The following LINGO2 variants were observed in gnomAD, a reference collection of about 807,000 sequenced individuals.
The protein encoded by LINGO2 is leucine rich repeat and Ig domain containing 2.
A neutral mutation model predicts 30.6 loss-of-function variants in LINGO2; 14 were observed. The observed-to-expected ratio is 0.46, with a 90% CI of 0.30 to 0.72. LINGO2 has a LOEUF of 0.72. Among genes scored for constraint, LINGO2 ranks in the 30% least tolerant of loss-of-function variants. LINGO2 has a pLI of 0.07. For synonymous variants in LINGO2, 317 were observed against 288.5 expected (o/e 1.10, Z -1.00); for missense variants, 729 against 751.7 (o/e 0.97, Z 0.35).
At chr9:28,456,373 A>G (rs1032030344) in intron 2 of LINGO2, among the ~76,000 whole-genome samples, 1 of 152,170 alleles carries the variant, frequency 6.6e-6, no homozygotes, top group African/African-American at 2.4e-5. Context: ...GCCTCCCAAG[A>G]CTTTTCTCCA....
At chr9:29,087,221 C>T in the LINGO2 span, among the ~76,000 whole-genome samples, 2 of 152,106 alleles carry the variant, frequency 1.3e-5, no homozygotes, top group Non-Finnish European at 2.9e-5. Context: ...AATCCTAGTT[C>T]CACTGCTTCC....
At chr9:28,461,420 A>T (rs1825077168) in intron 2 of LINGO2, among the ~76,000 whole-genome samples, 1 of 152,158 alleles carries the variant, frequency 6.6e-6, no homozygotes, top group South Asian at 2.1e-4. Flanking sequence ...TGTTTACTCC[A>T]TCAAAAATAG....
chr9:28,907,973 GA>G, the LINGO2 span, among the ~76,000 whole-genome samples: 4 of 151,740 alleles, frequency 2.6e-5, no homozygotes, highest in Non-Finnish European at 5.9e-5. Context: ...ATTGGAATGG[GA>G]AAAGCTCTAA....
At chr9:28,949,408 T>TA in the LINGO2 span, among the ~76,000 whole-genome samples, 10 of 151,648 alleles carry the variant, frequency 6.6e-5, no homozygotes, top group Non-Finnish European at 1.0e-4. Context: ...ATAGACACAA[T>TA]AAAAAATGAT....
At chr9:29,159,039 C>A in the LINGO2 span, among the ~76,000 whole-genome samples, 1 of 152,122 alleles carries the variant, frequency 6.6e-6, no homozygotes, top group Non-Finnish European at 1.5e-5. Context: ...ATCACATGGG[C>A]TTGTTCGACT....
downstream of LINGO2, among the ~76,000 whole-genome samples, chr9:27,944,988 G>A (rs932493619): frequency 3.3e-5 from 5 of 152,176 alleles, no homozygotes; most frequent in African/African-American, 1.2e-4. Flanking sequence ...TCAAGTGTCT[G>A]CCTCCAACCT....
the LINGO2 span, among the ~76,000 whole-genome samples, chr9:28,961,472 A>T: frequency 2.0e-5 from 3 of 152,206 alleles, no homozygotes; most frequent in African/African-American, 7.2e-5. Context: ...AGTAGGACTC[A>T]TCCATATCCT....
the LINGO2 span, among the ~76,000 whole-genome samples, chr9:28,983,769 TAAATA>T: frequency 6.6e-6 from 1 of 151,922 alleles, no homozygotes; most frequent in Non-Finnish European, 1.5e-5. Flanking sequence ...CTGAACAAAT[TAAATA>T]AAAGGGTTTC....
At chr9:28,009,878 C>T (rs894981238) in intron 5 of LINGO2, among the ~76,000 whole-genome samples, 10 of 152,158 alleles carry the variant, frequency 6.6e-5, no homozygotes, top group African/African-American at 2.2e-4. Context: ...GGTACATACT[C>T]AAGAGAAGTA....
the LINGO2 span, among the ~76,000 whole-genome samples, chr9:29,024,662 G>GA: frequency 1.3e-5 from 2 of 152,096 alleles, no homozygotes; most frequent in African/African-American, 4.8e-5. Flanking sequence ...GAGTAGGAGG[G>GA]AAAATCAGAG....
At chr9:28,177,344 T>C (rs1828777209) in intron 4 of LINGO2, among the ~76,000 whole-genome samples, 2 of 152,186 alleles carry the variant, frequency 1.3e-5, no homozygotes, top group Admixed American at 1.3e-4. Context: ...GAAAGATTTT[T>C]CTCTTTGCAG....
the LINGO2 span, among the ~76,000 whole-genome samples, chr9:28,790,879 A>G: frequency 4.6e-5 from 7 of 152,248 alleles, no homozygotes; most frequent in Non-Finnish European, 8.8e-5. Context: ...AGTTTCAGGT[A>G]CCCACTGTGT....
At chr9:28,561,996 G>C (rs1168289738) in intron 1 of LINGO2, among the ~76,000 whole-genome samples, 1 of 151,532 alleles carries the variant, frequency 6.6e-6, no homozygotes, top group Non-Finnish European at 1.5e-5. Context: ...CAAAAACACT[G>C]TCATCCTTTT....
Position 28,496,875 on chromosome 9 carries a change from A to G in LINGO2, c.-364-20850T>C, listed in dbSNP as rs567568941. The stretch of plus-strand genomic sequence containing the variant: ...CCTGGTGGTGACAAAATCTCTCAAC[A>G]TTTGCTTGTCTGTAAAGGATTTTAT... On this transcript the variant is annotated intron_variant, in intron 1 of 5. Transcript: ENST00000379992. Among the ~76,000 whole-genome samples, 350 of 152,146 alleles carry G rather than the reference A, an allele frequency of 2.3e-3. 1 individual carries two copies. The highest frequency in any genetic ancestry group is 4.2e-3 in the Non-Finnish European group (289 of 68,020).
At chr9:28,206,968 G>C (rs1018871446) in intron 4 of LINGO2, among the ~76,000 whole-genome samples, 10 of 152,078 alleles carry the variant, frequency 6.6e-5, no homozygotes, top group Admixed American at 5.2e-4. Context: ...GTCAACATTA[G>C]ACACATTATG....
chr9:28,256,578 A>G (rs961939369), intron 4 of LINGO2, among the ~76,000 whole-genome samples: 1 of 151,992 alleles, frequency 6.6e-6, no homozygotes, highest in African/African-American at 2.4e-5. Context: ...ATGTGGTAAG[A>G]ATGATGAAAA....
chr9:28,148,182 CT>C lies in LINGO2; in HGVS notation c.-86-135778del. 1 of 808,754 alleles carries C rather than the reference CT, an allele frequency of 1.2e-6. No homozygotes were observed. The highest frequency in any genetic ancestry group is 1.8e-6 in the Non-Finnish European group (1 of 563,950). 50.1% of individuals were successfully genotyped at this position (808,754 alleles called of 1,614,324 possible). On this transcript the variant is annotated intron_variant, in intron 4 of 5. Transcript: ENST00000379992. The surrounding 1 kb of genome is among the most constrained non-coding windows in gnomAD (Gnocchi z 5.1). ...AACCCTCAGCGACATCTTGGGCCTTCTTTTCCAGTCAGTTGGGACGGCGCCC... is the reference window on the plus strand; with the variant it reads ...AACCCTCAGCGACATCTTGGGCCTTCTTTCCAGTCAGTTGGGACGGCGCCC...
At chr9:28,889,060 T>C in the LINGO2 span, 3 of 398,166 alleles carry the variant, frequency 7.5e-6, no homozygotes, top group African/African-American at 4.2e-5. Context: ...TTCAGCAGCT[T>C]GCCTGGTGCT....
At chr9:28,479,027 A>G (rs1468382212) in intron 1 of LINGO2, among the ~76,000 whole-genome samples, 1 of 151,982 alleles carries the variant, frequency 6.6e-6, no homozygotes, top group Admixed American at 6.6e-5. Context: ...ATATACTTTT[A>G]TGTACTTATG....
Sources: gnomAD v4.1 joint callset for allele counts (sites outside exome capture counted in the v4.1 genomes callset) on GRCh38, gnomAD v4.1.1 for gene constraint, Gnocchi (gnomAD v3.1) non-coding constraint, MANE v1.5 for transcripts, NCBI Gene and HGNC (gene_info 2026-07-23, HGNC 2026-07-21) for gene names.